IGSF3: variants seen among roughly 807,000 people sequenced by gnomAD.
The protein encoded by IGSF3 is glu-Trp-Ile EWI motif-containing protein 3.
A neutral mutation model predicts 114.4 loss-of-function variants in IGSF3; 23 were observed. That is an observed-to-expected ratio of 0.20 (90% CI 0.14 to 0.28). The LOEUF is 0.28. Among genes scored for constraint, IGSF3 ranks in the 10% least tolerant of loss-of-function variants. IGSF3 has a pLI of 1.00. For missense variants in IGSF3, 1,172 were observed against 1,591.5 expected (o/e 0.74, Z 4.48); for synonymous variants, 571 against 645.2 (o/e 0.88, Z 1.74).
At chr1:116,666,101 C>A (rs754614743) in intron 2 of IGSF3, among the ~76,000 whole-genome samples, 183 bp downstream of exon 2, 34 of 152,176 alleles carry the variant, frequency 2.2e-4, no homozygotes, top group Non-Finnish European at 3.4e-4. Context: ...AAATGATATT[C>A]CACCGTTGCT....
chr1:116,644,827 G>C lies in IGSF3; in HGVS notation c.43+21457C>G, dbSNP rs1648288187. Among the ~76,000 whole-genome samples, 2 of 152,214 alleles carry C rather than the reference G, an allele frequency of 1.3e-5. No homozygotes were observed. The highest frequency in any genetic ancestry group is 4.8e-5 in the African/African-American group (2 of 41,460). The stretch of plus-strand genomic sequence containing the variant: ...TCAGGGCATGTGAATGTGATAGTCA[G>C]CAATTCCCACCTCAGCAGCCAGTGA... On this transcript the variant is annotated intron_variant, in intron 2 of 10. Coordinates refer to ENST00000369486, the MANE Select transcript of IGSF3 (RefSeq NM_001007237.3). The surrounding 1 kb of genome is among the most constrained non-coding windows in gnomAD (Gnocchi z 5.6).
rs1224744285 is a variant in IGSF3 at position 116,654,526 on chromosome 1, T to C, written c.43+11758A>G. Reference sequence around the variant, plus strand: ...TTCTGGGAATTTGTAAGAGCCATACTGATGAGGGTCCCTCACCCTCCCTTG... The same window carrying C: ...TTCTGGGAATTTGTAAGAGCCATACCGATGAGGGTCCCTCACCCTCCCTTG... On this transcript the variant is annotated intron_variant, in intron 2 of 10. Transcript: ENST00000369486. This position sits in a 1 kb window ranked among gnomAD's most constrained non-coding sequence, Gnocchi z 4.4. Among the ~76,000 whole-genome samples, 4 of 152,210 alleles carry C rather than the reference T, an allele frequency of 2.6e-5. No individual in the cohort carries two copies. The highest frequency in any genetic ancestry group is 4.8e-5 in the African/African-American group (2 of 41,468).
chr1:116,595,650 T>C lies in IGSF3; in HGVS notation c.2029+4291A>G, dbSNP rs889797048. ...GTCGGCTTTCCACCACTAGAGGCTG[T>C]CCTCATGGAAGCTTGTTTATGGCTT... On this transcript the variant is annotated intron_variant, in intron 7 of 10. Transcript: ENST00000369486. This position sits in a 1 kb window ranked among gnomAD's most constrained non-coding sequence, Gnocchi z 4.2. Among the ~76,000 whole-genome samples the C allele has an allele frequency of 1.3e-5, 2 of 152,224 alleles. No homozygotes were observed. Among genetic ancestry groups the C allele is most frequent in the African/African-American group, 4.8e-5 (2 of 41,450 alleles).
In IGSF3 at chr1:116,585,149, A is replaced by G. The variant is rs1029844443; in HGVS notation, c.2441-97T>C. The G allele has an allele frequency of 4.0e-5, 36 of 900,462 alleles. No homozygotes were observed. Among genetic ancestry groups the G allele is most frequent in the Admixed American group, 2.8e-4 (11 of 39,198 alleles). The allele number at this position is 900,462 out of a possible 1,614,324, so 55.8% of individuals were successfully genotyped here. On this transcript the variant is annotated intron_variant, in intron 8 of 10. Transcript: ENST00000369486. This position sits in a 1 kb window ranked among gnomAD's most constrained non-coding sequence, Gnocchi z 4.9. Reference sequence around the variant, plus strand: ...AGGTGAATGGATGCCTTCCAAATACAGAAGGACGGCAGCACACACTCCATT... The same window carrying G: ...AGGTGAATGGATGCCTTCCAAATACGGAAGGACGGCAGCACACACTCCATT...
At position 116,618,146 on chromosome 1, in the gene IGSF3, T is replaced by C. The variant is rs567655711; in HGVS notation, c.44-1689A>G. Among the ~76,000 whole-genome samples the C allele has an allele frequency of 2.6e-4, 40 of 152,360 alleles. No individual in the cohort carries two copies. The highest frequency in any genetic ancestry group is 9.4e-4 in the African/African-American group (39 of 41,590). Reference sequence around the variant, plus strand: ...ATGAAATGCCCATGGCTTGCAAAACTTTAATTCATGCAGAACCTTTCCTCA... The same window carrying C: ...ATGAAATGCCCATGGCTTGCAAAACCTTAATTCATGCAGAACCTTTCCTCA... On this transcript the variant is annotated intron_variant, in intron 2 of 10. Coordinates refer to ENST00000369486, the MANE Select transcript of IGSF3 (RefSeq NM_001007237.3). This position sits in a 1 kb window ranked among gnomAD's most constrained non-coding sequence, Gnocchi z 4.7.
Position 116,654,941 on chromosome 1 carries a change from C to T in IGSF3, c.43+11343G>A, listed in dbSNP as rs1648785722. On this transcript the variant is annotated intron_variant, in intron 2 of 10. Transcript: ENST00000369486. The surrounding 1 kb of genome is among the most constrained non-coding windows in gnomAD (Gnocchi z 4.4). ...CTTACTCCTACAGATACCCCCTCTTCCTGGTGGCACCGGGCATTGGTAACT... is the reference window on the plus strand; with the variant it reads ...CTTACTCCTACAGATACCCCCTCTTTCTGGTGGCACCGGGCATTGGTAACT... Among the ~76,000 whole-genome samples, 4 of 152,146 alleles carry T rather than the reference C, an allele frequency of 2.6e-5. No individual in the cohort carries two copies. The South Asian group carries it at 6.2e-4, about 24-fold the overall frequency.
In IGSF3 at chr1:116,650,952, C is replaced by T. The variant is rs1386713707; in HGVS notation, c.43+15332G>A. Among the ~76,000 whole-genome samples the T allele has an allele frequency of 6.6e-6, 1 of 152,242 alleles. No homozygotes were observed. The highest frequency in any genetic ancestry group is 1.5e-5 in the Non-Finnish European group (1 of 68,042). ...CCACAGATAGGGAGCAGGCCCCAGG[C>T]CAGAGTGCTGGGCTTCTCCCAGCGG... On this transcript the variant is annotated intron_variant, in intron 2 of 10. Coordinates refer to ENST00000369486, the MANE Select transcript of IGSF3 (RefSeq NM_001007237.3). This position sits in a 1 kb window ranked among gnomAD's most constrained non-coding sequence, Gnocchi z 5.0.
intron 10 of IGSF3, among the ~76,000 whole-genome samples, chr1:116,578,551 G>C (rs1022774439): frequency 1.3e-5 from 2 of 152,174 alleles, no homozygotes; most frequent in African/African-American, 4.8e-5. Context: ...TGTGAGCACG[G>C]GGTGATCAAG....
In IGSF3 at chr1:116,598,085, G is replaced by A. The variant is rs1660415253; in HGVS notation, c.2029+1856C>T. 6.6e-6 allele frequency among the ~76,000 whole-genome samples: 1 copy of A among 152,036 alleles called. No homozygotes were observed. The highest frequency in any genetic ancestry group is 1.5e-5 in the Non-Finnish European group (1 of 68,018). ...GAACTAATTCTGTATTCTTCCCTTA[G>A]GCACTCCAGTCTTAGATTCCAAGTA... On this transcript the variant is annotated intron_variant, in intron 7 of 10. Transcript: ENST00000369486. This position sits in a 1 kb window ranked among gnomAD's most constrained non-coding sequence, Gnocchi z 4.3.
At chr1:116,613,643 C>G in intron 4 of IGSF3, 122 bp downstream of exon 4, 1 of 924,536 alleles carries the variant, frequency 1.1e-6, no homozygotes, top group East Asian at 2.6e-5. Context: ...CCGGCTTTAA[C>G]TTCACATGAA....
chr1:116,589,645 C>A lies in IGSF3; in HGVS notation c.2030-541G>T, dbSNP rs944240478. On this transcript the variant is annotated intron_variant, in intron 7 of 10. Transcript: ENST00000369486. This position sits in a 1 kb window ranked among gnomAD's most constrained non-coding sequence, Gnocchi z 5.7. ...TCCTTCTGCCACCTCCCACCCTGACCCTTCTCTCCACTTATCCCTCATTCC... is the reference window on the plus strand; with the variant it reads ...TCCTTCTGCCACCTCCCACCCTGACACTTCTCTCCACTTATCCCTCATTCC... Among the ~76,000 whole-genome samples, 5 of 152,118 alleles carry A rather than the reference C, an allele frequency of 3.3e-5. No homozygotes were observed. Among genetic ancestry groups the A allele is most frequent in the African/African-American group, 1.2e-4 (5 of 41,418 alleles).
Position 116,638,600 on chromosome 1 carries a change from G to A in IGSF3, c.44-22143C>T, listed in dbSNP as rs185005498. On this transcript the variant is annotated intron_variant, in intron 2 of 10. Transcript: ENST00000369486. The surrounding 1 kb of genome is among the most constrained non-coding windows in gnomAD (Gnocchi z 4.1). Reference sequence around the variant, plus strand: ...TGGATTTTGCCATTTCCCCCAAGTCGACCAGGAGTCATTCACACCTAAAGG... The same window carrying A: ...TGGATTTTGCCATTTCCCCCAAGTCAACCAGGAGTCATTCACACCTAAAGG... Among the ~76,000 whole-genome samples the A allele has an allele frequency of 2.6e-5, 4 of 152,134 alleles. No individual in the cohort carries two copies. Among genetic ancestry groups the A allele is most frequent in the East Asian group, 3.9e-4 (2 of 5,182 alleles).
At chr1:116,602,012 C>A (rs1302428319) in intron 6 of IGSF3, among the ~76,000 whole-genome samples, 1 of 152,204 alleles carries the variant, frequency 6.6e-6, no homozygotes, top group Non-Finnish European at 1.5e-5. Context: ...TAGATGGGAC[C>A]CGCATCTAAT....
At chr1:116,619,271 T>C (rs533971113) in intron 2 of IGSF3, among the ~76,000 whole-genome samples, 1 of 152,090 alleles carries the variant, frequency 6.6e-6, no homozygotes, top group African/African-American at 2.4e-5. Context: ...CAATAACGAG[T>C]TTAACCAGAA....
intron 9 of IGSF3, among the ~76,000 whole-genome samples, chr1:116,581,672 G>GC (rs1277620178): frequency 1.3e-5 from 2 of 152,192 alleles, no homozygotes. Flanking sequence ...ATCTCAGTGT[G>GC]CACTGCTGGC....
At position 116,596,902 on chromosome 1, in the gene IGSF3, A is replaced by G. The variant is rs1484981978; in HGVS notation, c.2029+3039T>C. Among the ~76,000 whole-genome samples the G allele has an allele frequency of 2.6e-5, 4 of 152,262 alleles. No individual in the cohort carries two copies. Among genetic ancestry groups the G allele is most frequent in the Non-Finnish European group, 1.5e-5 (1 of 68,050 alleles). ...GGAACCAAAGCATTCACAGTGGTTT[A>G]CAAGAAATGCTCAGTGAATATTAGC... On this transcript the variant is annotated intron_variant, in intron 7 of 10. Transcript: ENST00000369486. The surrounding 1 kb of genome is among the most constrained non-coding windows in gnomAD (Gnocchi z 4.1).
chr1:116,584,998 C>A lies in IGSF3; in HGVS notation c.2495G>T (p.Arg832Leu). Reference sequence around the variant, plus strand: ...AACCACACACTCCAGCTGTACCTGCCGGGTCTCCAGAACCGACAGGTTCCC... The same window carrying A: ...AACCACACACTCCAGCTGTACCTGCAGGGTCTCCAGAACCGACAGGTTCCC... ...AQGNLSVLETRQVQLECVVLN... is the reference protein window; with the variant it reads ...AQGNLSVLETLQVQLECVVLN... Residue 832 changes from arginine (R) to leucine (L), a missense_variant, in exon 9 of 11, where the codon CGG becomes CTG. Physicochemically the swap from Arg to Leu is moderately radical, Grantham distance 102. Transcript: ENST00000369486. This position sits in a 1 kb window ranked among gnomAD's most constrained non-coding sequence, Gnocchi z 5.8. The A allele has an allele frequency of 6.3e-7, 1 of 1,578,134 alleles. No homozygotes were observed. Among genetic ancestry groups the A allele is most frequent in the Non-Finnish European group, 8.6e-7 (1 of 1,156,194 alleles).
At position 116,666,703 on chromosome 1, in the gene IGSF3, T is replaced by C. The variant is rs1385046606; in HGVS notation, c.-377A>G. On this transcript the variant is annotated 5_prime_UTR_variant, in exon 2 of 11. Transcript: ENST00000369486. The stretch of plus-strand genomic sequence containing the variant: ...ATCCACTGATTATACAGAAATGTCC[T>C]TGGCTTCTCAGTGAAGGTGTCTGTG... 2.0e-6 allele frequency: 1 copy of C among 508,252 alleles called. No homozygotes were observed. The highest frequency in any genetic ancestry group is 3.1e-5 in the East Asian group (1 of 32,452). The allele number at this position is 508,252 out of a possible 1,614,324, so 31.5% of individuals were successfully genotyped here.
Position 116,584,673 on chromosome 1 carries a change from C to T in IGSF3, c.2820G>A (p.Gly940=). 3 of 1,614,158 alleles carry T rather than the reference C, an allele frequency of 1.9e-6. No homozygotes were observed. The highest frequency in any genetic ancestry group is 2.5e-6 in the Non-Finnish European group (3 of 1,180,006). ...MWYKRAEDTA[G]QTALTVMRPD... is the part of the protein sequence containing the mutation. ...GTCGCATGACTGTCAGAGCTGTCTG[C>T]CCAGCGGTGTCCTCTGCCCGCTTAT... Residue 940 remains glycine (G), a synonymous_variant, in exon 9 of 11, where the codon GGG becomes GGA. Coordinates refer to ENST00000369486, the MANE Select transcript of IGSF3 (RefSeq NM_001007237.3). The surrounding 1 kb of genome is among the most constrained non-coding windows in gnomAD (Gnocchi z 5.8).
Sources: gnomAD v4.1 joint callset for allele counts (sites outside exome capture counted in the v4.1 genomes callset) on GRCh38, gnomAD v4.1.1 for gene constraint, Gnocchi (gnomAD v3.1) non-coding constraint, MANE v1.5 for transcripts, NCBI Gene and HGNC (gene_info 2026-07-23, HGNC 2026-07-21) for gene names.